The following GALNTL6 variants were observed in gnomAD, a reference collection of about 807,000 sequenced individuals.
The protein encoded by GALNTL6 is polypeptide N-acetylgalactosaminyltransferase-like 6.
Under a neutral mutation model 73.7 loss-of-function variants are expected in GALNTL6, and 46 were observed. That is an observed-to-expected ratio of 0.62 (90% confidence interval 0.49 to 0.80). The LOEUF (loss-of-function observed/expected upper bound fraction) is 0.80. Among genes scored for constraint, GALNTL6 ranks in the 30% least tolerant of loss-of-function variants. GALNTL6 has a pLI of 0.00. For missense variants in GALNTL6, 604 were observed against 755.0 expected (o/e 0.80, Z 2.34); for synonymous variants, 259 against 263.7 (o/e 0.98, Z 0.17).
intron 2 of GALNTL6, among the ~76,000 whole-genome samples, chr4:172,186,158 A>G (rs1406051371): frequency 6.6e-6 from 1 of 152,208 alleles, no homozygotes; most frequent in Non-Finnish European, 1.5e-5. Flanking sequence ...TCTCCAGAGA[A>G]GATACATGTA....
intron 2 of GALNTL6, among the ~76,000 whole-genome samples, chr4:172,037,010 A>G (rs897535142): frequency 6.6e-6 from 1 of 152,028 alleles, no homozygotes; most frequent in African/African-American, 2.4e-5. Context: ...GGCAATAGAG[A>G]TATGTGTGGA....
intron 3 of GALNTL6, among the ~76,000 whole-genome samples, chr4:172,240,833 C>T (rs7674748): frequency 0.014 from 2,182 of 152,204 alleles, 55 homozygotes; most frequent in African/African-American, 0.05. Flanking sequence ...ATTCTGAATT[C>T]TATGTCTGTC....
intron 10 of GALNTL6, among the ~76,000 whole-genome samples, chr4:172,963,174 C>T (rs1400581144): frequency 6.6e-6 from 1 of 152,142 alleles, no homozygotes; most frequent in African/African-American, 2.4e-5. Context: ...ACCTCAGCAC[C>T]TTTGCATTTA....
chr4:171,956,028 T>C lies in GALNTL6; in HGVS notation c.138+141310T>C, dbSNP rs549768551. 1.5e-4 allele frequency among the ~76,000 whole-genome samples: 23 copies of C among 151,904 alleles called. 1 individual carries two copies. The East Asian group carries it at 3.3e-3, about 22-fold the overall frequency. ...TGTGTGTGTGTGGGACAGGGCCTCA[T>C]TCTGTCACCTGTCACCCAGGCTGAA... On this transcript the variant is annotated intron_variant, in intron 2 of 12. Transcript: ENST00000506823.
intron 2 of GALNTL6, among the ~76,000 whole-genome samples, chr4:172,194,828 G>T (rs1186701327): frequency 6.6e-6 from 1 of 152,124 alleles, no homozygotes; most frequent in Admixed American, 6.5e-5. Flanking sequence ...ACTGTTACTA[G>T]CCACTACAAA....
intron 8 of GALNTL6, among the ~76,000 whole-genome samples, chr4:172,900,015 G>T (rs748237423): frequency 2.6e-5 from 4 of 152,084 alleles, no homozygotes; most frequent in Non-Finnish European, 5.9e-5. Context: ...TATATCTTGT[G>T]CAGACTTCCC....
intron 5 of GALNTL6, among the ~76,000 whole-genome samples, chr4:172,527,370 C>A (rs923061992): frequency 1.3e-4 from 20 of 152,108 alleles, no homozygotes; most frequent in Non-Finnish European, 2.4e-4. Flanking sequence ...ACATATTGAC[C>A]AGTTTGTTTA....
chr4:172,906,264 A>T (rs1322157089), intron 8 of GALNTL6, among the ~76,000 whole-genome samples: 2 of 152,160 alleles, frequency 1.3e-5, no homozygotes, highest in Non-Finnish European at 2.9e-5. Flanking sequence ...AATACCCAAA[A>T]ATGATAATGG....
chr4:172,982,182 A>C lies in GALNTL6; in HGVS notation c.1372-26996A>C, dbSNP rs559400628. Among the ~76,000 whole-genome samples, 3 of 152,304 alleles carry C rather than the reference A, an allele frequency of 2.0e-5. No homozygotes were observed. In the South Asian group the frequency reaches 6.2e-4, roughly 32 times the overall value. ...GCCTTCTTCAATTTCTTTCTGCATG[A>C]ATAATATTTTAGCCAAATGTTTCCA... On this transcript the variant is annotated intron_variant, in intron 10 of 12. Coordinates refer to ENST00000506823, the MANE Select transcript of GALNTL6 (RefSeq NM_001034845.3).
At chr4:171,842,073 T>G (rs1399713342) in intron 2 of GALNTL6, among the ~76,000 whole-genome samples, 1 of 152,260 alleles carries the variant, frequency 6.6e-6, no homozygotes, top group Admixed American at 6.6e-5. Flanking sequence ...AATTTTGTCT[T>G]TGGAAAGACA....
chr4:172,446,014 A>G (rs990290794), intron 5 of GALNTL6, among the ~76,000 whole-genome samples: 1 of 152,174 alleles, frequency 6.6e-6, no homozygotes, highest in Non-Finnish European at 1.5e-5. Flanking sequence ...TGTAGAAGAC[A>G]TTAAATAAGT....
At chr4:172,196,767 T>C (rs546875789) in intron 2 of GALNTL6, among the ~76,000 whole-genome samples, 2 of 152,220 alleles carry the variant, frequency 1.3e-5, no homozygotes, top group South Asian at 2.1e-4. Context: ...AAATTCTCAA[T>C]AAACTAGGTA....
chr4:172,781,945 A>C (rs942010079), intron 5 of GALNTL6, among the ~76,000 whole-genome samples: 2 of 151,336 alleles, frequency 1.3e-5, no homozygotes, highest in African/African-American at 4.8e-5. Flanking sequence ...AAAAATATAT[A>C]AGTATATAAT....
chr4:171,833,075 G>T (rs868642282), intron 2 of GALNTL6, among the ~76,000 whole-genome samples: 11 of 151,618 alleles, frequency 7.3e-5, no homozygotes, highest in Non-Finnish European at 1.6e-4. Flanking sequence ...CCTGTTTCAC[G>T]TGTGGCTTGA....
At chr4:171,982,733 T>A (rs1739943498) in intron 2 of GALNTL6, among the ~76,000 whole-genome samples, 1 of 152,094 alleles carries the variant, frequency 6.6e-6, no homozygotes, top group Non-Finnish European at 1.5e-5. Flanking sequence ...TTTGAGAAAA[T>A]CATAAAACTA....
chr4:172,932,218 G>T (rs545142987), intron 9 of GALNTL6, among the ~76,000 whole-genome samples: 1 of 152,268 alleles, frequency 6.6e-6, no homozygotes, highest in Non-Finnish European at 1.5e-5. Flanking sequence ...TAACACAAGG[G>T]TAGAGCTTTG....
chr4:172,477,183 G>A (rs1405534117), intron 5 of GALNTL6, among the ~76,000 whole-genome samples: 13 of 90,912 alleles, frequency 1.4e-4, no homozygotes, highest in Non-Finnish European at 1.3e-4. Flanking sequence ...AGATACATGT[G>A]TAAAGCAGAG....
rs550734375 is a variant in GALNTL6 at position 172,956,306 on chromosome 4, G to T, written c.1371+4048G>T. ...ACATTTGTCATATAGAATTATTGGT[G>T]ATGGCCTGGATATGGTTTTGTATGA... On this transcript the variant is annotated intron_variant, in intron 10 of 12. Coordinates refer to ENST00000506823, the MANE Select transcript of GALNTL6 (RefSeq NM_001034845.3). 1.3e-4 allele frequency among the ~76,000 whole-genome samples: 20 copies of T among 152,226 alleles called. No individual in the cohort carries two copies. The South Asian group carries it at 3.9e-3, about 30-fold the overall frequency.
intron 5 of GALNTL6, among the ~76,000 whole-genome samples, chr4:172,444,052 A>T (rs1181106191): frequency 6.6e-6 from 1 of 152,214 alleles, no homozygotes; most frequent in African/African-American, 2.4e-5. Context: ...AGAGCCAGTA[A>T]GAGACAATCA....
Sources: allele counts gnomAD v4.1 joint callset (sites outside exome capture counted in the v4.1 genomes callset), GRCh38; gene constraint gnomAD v4.1.1; transcripts MANE v1.5; gene names NCBI Gene and HGNC (gene_info 2026-07-23, HGNC 2026-07-21).